Variants in CMTR2 observed in about 807,000 individuals in gnomAD.
The protein encoded by CMTR2 is cap methyltransferase 2, also known as cap-specific mRNA (nucleoside-2'-O-)-methyltransferase 2.
In CMTR2, 40 loss-of-function variants were observed where a neutral mutation model predicts 49.8. That is an observed-to-expected ratio of 0.80 (90% CI 0.62 to 1.04). The LOEUF is 1.04. CMTR2 is among the 50% of genes least tolerant of loss of function. CMTR2 has a pLI of 0.00. For synonymous variants in CMTR2, 326 were observed against 315.8 expected, an observed-to-expected ratio of 1.03 and a Z score of -0.34; for missense variants, 907 against 897.2, an observed-to-expected ratio of 1.01 and a Z score of -0.14.
chr16:71,287,398 T>C (rs1232556059), intron 2 of CMTR2: 1 of 152,184 alleles, frequency 6.6e-6, no homozygotes, highest in East Asian at 1.9e-4. Flanking sequence ...GGTGTCTTCT[T>C]AGTCATTTGT....
At position 71,285,509 on chromosome 16, in the gene CMTR2, G is replaced by T; in HGVS notation, c.412C>A (p.Leu138Met). ...GCTTCACAAAGGTGTAGAGAATTCA[G>T]TTTTCCATTCTGAAAAGCTTCCTGT... is the stretch of plus-strand genomic sequence containing the variant. Reference protein sequence around the residue: ...IPQEAFQNGKLNSLHLCEAPG... With the variant: ...IPQEAFQNGKMNSLHLCEAPG... Residue 138 changes from leucine to methionine, a missense_variant, in exon 3 of 3, where the codon CTG becomes ATG. Transcript: ENST00000434935. The T allele has an allele frequency of 6.2e-7, 1 of 1,613,982 alleles. No individual in the cohort carries two copies. The highest frequency in any genetic ancestry group is 8.5e-7 in the Non-Finnish European group (1 of 1,179,924).
At chr16:71,287,589 A>G (rs539228596) in intron 2 of CMTR2, 267 of 152,070 alleles carry the variant, frequency 1.8e-3, no homozygotes, top group Non-Finnish European at 2.9e-3. Flanking sequence ...GTGCACCACC[A>G]CACCCAGTTA....
chr16:71,284,234 T>G lies in CMTR2; in HGVS notation c.1687A>C (p.Thr563Pro). Residue 563 changes from threonine to proline, a missense_variant, in exon 3 of 3, where the codon ACT becomes CCT. Coordinates refer to ENST00000434935, the MANE Select transcript of CMTR2 (RefSeq NM_018348.6). ...ACCTGCTCATCCTGAAGGCACTCAG[T>G]AAGGCTACACAACTCGGAAAATATC... is the stretch of plus-strand genomic sequence containing the variant. The part of the protein sequence containing the change: ...ELIFSELCSL[T>P]ECLQDEQVVV... 6.2e-7 allele frequency: 1 copy of G among 1,614,026 alleles called. No individual in the cohort carries two copies. The highest frequency in any genetic ancestry group is 8.5e-7 in the Non-Finnish European group (1 of 1,179,938).
rs778629819 is a variant in CMTR2, at chr16:71,283,642, T to G, written c.2279A>C (p.Glu760Ala). Residue 760 changes from glutamate (E) to alanine (A), a missense_variant, in exon 3 of 3, where the codon GAA becomes GCA. By Grantham distance (107) the Glu-to-Ala change is moderately radical. Transcript: ENST00000434935. ...TAACTGAAGGCTGTTGATAATTTCT[T>G]CTCTCTCTCTTTGAATAATGAAATG... ...HLHFIIQRER[E>A]EIINSLQLQN 6.2e-7 allele frequency: 1 copy of G among 1,608,592 alleles called. No individual in the cohort carries two copies. The highest frequency in any genetic ancestry group is 1.1e-5 in the South Asian group (1 of 90,466).
At position 71,284,023 on chromosome 16, in the gene CMTR2, G is replaced by T; in HGVS notation, c.1898C>A (p.Ser633Ter). 6.2e-7 allele frequency: 1 copy of T among 1,613,924 alleles called. No homozygotes were observed. The highest frequency in any genetic ancestry group is 1.1e-5 in the South Asian group (1 of 91,064). Residue 633 changes from serine to a stop codon, truncating the protein, a stop_gained, in exon 3 of 3, where the codon TCA (serine) becomes TAA (stop). Coordinates refer to ENST00000434935, the MANE Select transcript of CMTR2 (RefSeq NM_018348.6). LOFTEE classifies it high-confidence loss of function. Reference protein sequence around the residue: ...QRLFLDCLLHSLRELHTGDVM... With the variant: ...QRLFLDCLLH The stretch of plus-strand genomic sequence containing the variant: ...ATCTCCTGTATGAAGCTCCCGCAAT[G>T]AATGTAGAAGGCAGTCCAAAAATAA...
rs186939491 is a variant in CMTR2 at position 71,281,710 on chromosome 16, C to T, written c.*1898G>A. Reference sequence around the variant, plus strand: ...TGATTCCAAAACCCACGTTAAAAAGCAAAATACATTTGAGAATACTTCAGT... The same window carrying T: ...TGATTCCAAAACCCACGTTAAAAAGTAAAATACATTTGAGAATACTTCAGT... On this transcript the variant is annotated 3_prime_UTR_variant, in exon 3 of 3. Transcript: ENST00000434935. 1 of 152,028 alleles carries T rather than the reference C, an allele frequency of 6.6e-6. No homozygotes were observed. Among genetic ancestry groups the T allele is most frequent in the East Asian group, 1.9e-4 (1 of 5,182 alleles). 9.4% of individuals were successfully genotyped at this position (152,028 alleles called of 1,614,324 possible).
chr16:71,285,185 C>T lies in CMTR2; in HGVS notation c.736G>A (p.Glu246Lys). The T allele has an allele frequency of 1.9e-6, 3 of 1,614,068 alleles. No homozygotes were observed. Among genetic ancestry groups the T allele is most frequent in the Non-Finnish European group, 2.5e-6 (3 of 1,179,904 alleles). The change falls in exon 3 of 3, where the codon GAA (glutamate) becomes AAA (lysine). Residue 246 changes from glutamate to lysine, a missense_variant. Coordinates refer to ENST00000434935, the MANE Select transcript of CMTR2 (RefSeq NM_018348.6). ...GSFDCQGNPG[E>K]QEALVSSLHY... ...AAAGAAGAAACTAAAGCTTCTTGTT[C>T]ACCTGGGTTTCCTTGGCAATCAAAA...
Position 71,284,696 on chromosome 16 carries a change from G to T in CMTR2, c.1225C>A (p.Gln409Lys). ...TTATTTCTGGAAAGATGTTTCAGTT[G>T]AAATTTTTGCATAAAATATTGTATA... is the stretch of plus-strand genomic sequence containing the variant. ...CAIQYFMQKFQLKHLSRNNWL... is the reference protein window; with the variant it reads ...CAIQYFMQKFKLKHLSRNNWL... Residue 409 changes from glutamine (Q) to lysine (K), a missense_variant, in exon 3 of 3, where the codon CAA (glutamine) becomes AAA (lysine). Physicochemically the swap from Gln to Lys is moderately conservative, Grantham distance 53. Coordinates refer to ENST00000434935, the MANE Select transcript of CMTR2 (RefSeq NM_018348.6). The T allele has an allele frequency of 6.2e-7, 1 of 1,612,566 alleles. No homozygotes were observed. The highest frequency in any genetic ancestry group is 8.5e-7 in the Non-Finnish European group (1 of 1,179,362).
chr16:71,281,396 A>C lies in CMTR2; in HGVS notation c.*2212T>G, dbSNP rs1048972315. 2.6e-5 allele frequency: 4 copies of C among 151,978 alleles called. No individual in the cohort carries two copies. The highest frequency in any genetic ancestry group is 9.6e-5 in the African/African-American group (4 of 41,452). 9.4% of individuals were successfully genotyped at this position (151,978 alleles called of 1,614,324 possible). On this transcript the variant is annotated 3_prime_UTR_variant, in exon 3 of 3. Coordinates refer to ENST00000434935, the MANE Select transcript of CMTR2 (RefSeq NM_018348.6). ...AACAGATTACAAAGGAAACAATTTG[A>C]TGTTTGTTTTTTAATAGATATTACA...
At chr16:71,287,448 G>T (rs1257793320) in intron 2 of CMTR2, 1 of 151,198 alleles carries the variant, frequency 6.6e-6, no homozygotes, top group Non-Finnish European at 1.5e-5. Context: ...GTTTTTTTTT[G>T]AGACAGGGTC....
chr16:71,283,761 C>T lies in CMTR2; in HGVS notation c.2160G>A (p.Gln720=), dbSNP rs755579473. 1.4e-5 allele frequency: 23 copies of T among 1,613,876 alleles called. No individual in the cohort carries two copies. The highest frequency in any genetic ancestry group is 1.3e-5 in the African/African-American group (1 of 74,922). Residue 720 remains glutamine, a synonymous_variant, in exon 3 of 3, where the codon CAG becomes CAA. Coordinates refer to ENST00000434935, the MANE Select transcript of CMTR2 (RefSeq NM_018348.6). ...STLLNSDSPQ[Q]VLQFVPMEVL... ...CCTCCATTGGCACAAACTGTAAAAC[C>T]TGCTGGGGTGAGTCAGAGTTGAGCA... is the stretch of plus-strand genomic sequence containing the variant.
In CMTR2 at chr16:71,285,396, A is replaced by AT; in HGVS notation, c.524dup (p.Asn175LysfsTer5). On this transcript the variant is annotated frameshift_variant, in exon 3 of 3. Transcript: ENST00000434935. LOFTEE classifies it high-confidence loss of function. The stretch of plus-strand genomic sequence containing the variant: ...GGTCGTCATTTGCTTCATGGTATGG[A>AT]TTCAGAGTATTCGCTACCCAACTCC... 6.2e-7 allele frequency: 1 copy of AT among 1,614,136 alleles called. No individual in the cohort carries two copies. Among genetic ancestry groups the AT allele is most frequent in the Admixed American group, 1.7e-5 (1 of 60,020 alleles).
rs1470529285 is a variant in CMTR2, at chr16:71,282,406, C to A, written c.*1202G>T. On this transcript the variant is annotated 3_prime_UTR_variant, in exon 3 of 3. Coordinates refer to ENST00000434935, the MANE Select transcript of CMTR2 (RefSeq NM_018348.6). Reference sequence around the variant, plus strand: ...TATTAACCAAATGCATCAGAAAATACATCTATTTTCACATATCAAAAGTGC... The same window carrying A: ...TATTAACCAAATGCATCAGAAAATAAATCTATTTTCACATATCAAAAGTGC... 6.6e-6 allele frequency: 1 copy of A among 151,854 alleles called. No homozygotes were observed. The highest frequency in any genetic ancestry group is 1.5e-5 in the Non-Finnish European group (1 of 67,898). 9.4% of individuals were successfully genotyped at this position (151,854 alleles called of 1,614,324 possible).
Position 71,283,619 on chromosome 16 carries a change from A to C in CMTR2, c.2302T>G (p.Leu768Val). Residue 768 changes from leucine (L) to valine (V), a missense_variant, in exon 3 of 3, where the codon TTA (leucine) becomes GTA (valine). Transcript: ENST00000434935. ...CAGAAAGCATATGTTCAGTTTTGTA[A>C]CTGAAGGCTGTTGATAATTTCTTCT... ...EREEIINSLQLQN is the reference protein window; with the variant it reads ...EREEIINSLQVQN 6.2e-7 allele frequency: 1 copy of C among 1,610,620 alleles called. No homozygotes were observed. The highest frequency in any genetic ancestry group is 8.5e-7 in the Non-Finnish European group (1 of 1,178,412).
At position 71,285,213 on chromosome 16, in the gene CMTR2, C is replaced by G; in HGVS notation, c.708G>C (p.Gly236=). ...MATVHLVTAD[G]SFDCQGNPGE... is the part of the protein sequence containing the mutation. ...CTGGGTTTCCTTGGCAATCAAAACT[C>G]CCATCTGCAGTGACCAAGTGAACAG... The change falls in exon 3 of 3, where the codon GGG becomes GGC. Residue 236 remains glycine, a synonymous_variant. Transcript: ENST00000434935. 6.2e-7 allele frequency: 1 copy of G among 1,613,532 alleles called. No individual in the cohort carries two copies. Among genetic ancestry groups the G allele is most frequent in the Non-Finnish European group, 8.5e-7 (1 of 1,179,442 alleles).
In CMTR2 at chr16:71,282,450, T is replaced by C. The variant is rs1010187272; in HGVS notation, c.*1158A>G. ...AAAGTGCCTAAAATGCATGTGAGAA[T>C]ATAAATATTCTCCACTTTGTGGAAC... On this transcript the variant is annotated 3_prime_UTR_variant, in exon 3 of 3. Transcript: ENST00000434935. The C allele has an allele frequency of 6.6e-6, 1 of 152,098 alleles. No homozygotes were observed. The highest frequency in any genetic ancestry group is 1.5e-5 in the Non-Finnish European group (1 of 67,962). The allele number at this position is 152,098 out of a possible 1,614,324, so 9.4% of individuals were successfully genotyped here.
chr16:71,286,995 T>C (rs1158444202), intron 2 of CMTR2: 3 of 152,176 alleles, frequency 2.0e-5, no homozygotes, highest in Non-Finnish European at 4.4e-5. Context: ...CTTAATGGCA[T>C]AGTTTTGGAA....
chr16:71,284,245 A>G lies in CMTR2; in HGVS notation c.1676T>C (p.Leu559Ser). ...VFSEELIFSE[L>S]CSLTECLQDE... is the part of the protein sequence containing the mutation. ...CTGAAGGCACTCAGTAAGGCTACAC[A>G]ACTCGGAAAATATCAGTTCTTCAGA... Residue 559 changes from leucine (L) to serine (S), a missense_variant, in exon 3 of 3, where the codon TTG (leucine) becomes TCG (serine). Leu to Ser is a moderately radical substitution (Grantham distance 145, BLOSUM62 -2). Coordinates refer to ENST00000434935, the MANE Select transcript of CMTR2 (RefSeq NM_018348.6). The G allele has an allele frequency of 1.9e-6, 3 of 1,614,102 alleles. No individual in the cohort carries two copies. Among genetic ancestry groups the G allele is most frequent in the South Asian group, 2.2e-5 (2 of 91,078 alleles).
chr16:71,281,953 A>T lies in CMTR2; in HGVS notation c.*1655T>A, dbSNP rs1470528222. Reference sequence around the variant, plus strand: ...CTATTAAGTGCAAAATGGTTTTCCAAGAGTGTTTTTTTTTTTCCTCCTGGT... The same window carrying T: ...CTATTAAGTGCAAAATGGTTTTCCATGAGTGTTTTTTTTTTTCCTCCTGGT... On this transcript the variant is annotated 3_prime_UTR_variant, in exon 3 of 3. Coordinates refer to ENST00000434935, the MANE Select transcript of CMTR2 (RefSeq NM_018348.6). The T allele has an allele frequency of 2.1e-5, 1 of 48,570 alleles. No homozygotes were observed. Among genetic ancestry groups the T allele is most frequent in the Non-Finnish European group, 4.0e-5 (1 of 25,206 alleles). 3.0% of individuals were successfully genotyped at this position (48,570 alleles called of 1,614,324 possible). A position where few individuals can be genotyped will look rare whatever the true frequency, so the allele number is the denominator to read the frequency against.
Sources: gnomAD v4.1 joint callset for allele counts on GRCh38, gnomAD v4.1.1 for gene constraint, MANE v1.5 for transcripts, NCBI Gene and HGNC (gene_info 2026-07-23, HGNC 2026-07-21) for gene names.